CCDC171: variants seen among roughly 807,000 people sequenced by gnomAD.
CCDC171 encodes coiled-coil domain-containing protein 171.
CCDC171 carries 177 observed loss-of-function variants against 168.2 expected under a neutral mutation model. The ratio of observed to expected loss-of-function variants is 1.05; its 90% CI spans 0.93 to 1.19. CCDC171 has a LOEUF of 1.19. CCDC171 is among the 50% of genes most tolerant of loss of function. CCDC171 has a pLI of 0.00. For synonymous variants in CCDC171, 687 were observed against 540.8 expected (o/e 1.27, Z -3.75); for missense variants, 1,991 against 1,539.0 (o/e 1.29, Z -4.91).
At chr9:16,088,550 A>G in the CCDC171 span, among the ~76,000 whole-genome samples, 1 of 152,218 alleles carries the variant, frequency 6.6e-6, no homozygotes, top group Admixed American at 6.5e-5. Flanking sequence ...ATGTGCAAAA[A>G]TCACAAGCAT....
intron 4 of CCDC171, among the ~76,000 whole-genome samples, chr9:15,590,201 A>G (rs2041878280): frequency 6.6e-6 from 1 of 152,210 alleles, no homozygotes; most frequent in Non-Finnish European, 1.5e-5. Context: ...TGGCAGCTGA[A>G]TGGGAGGGGG....
intron 25 of CCDC171, among the ~76,000 whole-genome samples, chr9:15,944,825 T>TTCTC (rs1828120316): frequency 3.2e-5 from 1 of 30,928 alleles, no homozygotes. Context: ...TTAGAATTCT[T>TTCTC]TTTCTTTCTT....
intron 23 of CCDC171, among the ~76,000 whole-genome samples, chr9:15,867,935 A>G (rs1396377316): frequency 1.3e-5 from 2 of 152,052 alleles, no homozygotes; most frequent in South Asian, 2.1e-4. Context: ...CAGATTTATC[A>G]TGTTATATAG....
In CCDC171 at chr9:15,964,594, G is replaced by A. The variant is rs1414922728; in HGVS notation, c.3754-7015G>A. ...AAGGGTATGAAGAACACTGGGAAAA[G>A]AAAGAACAAAAGCCACCTGGGAGAA... On this transcript the variant is annotated intron_variant, in intron 25 of 25. Transcript: ENST00000380701. Among the ~76,000 whole-genome samples the A allele has an allele frequency of 2.6e-5, 4 of 152,124 alleles. 1 individual carries two copies. The East Asian group carries it at 7.7e-4, about 29-fold the overall frequency.
chr9:15,949,764 G>A (rs1447070445), intron 25 of CCDC171, among the ~76,000 whole-genome samples: 1 of 152,116 alleles, frequency 6.6e-6, no homozygotes, highest in Non-Finnish European at 1.5e-5. Context: ...GGGACAATTT[G>A]ACTTCCTCTT....
chr9:15,997,145 C>T (rs1040061865), intron 3 of CCDC171, among the ~76,000 whole-genome samples: 1 of 152,192 alleles, frequency 6.6e-6, no homozygotes, highest in Non-Finnish European at 1.5e-5. Flanking sequence ...GCTGATCTGA[C>T]ATTTACAAAA....
chr9:15,866,469 G>A (rs2061792104), intron 23 of CCDC171, among the ~76,000 whole-genome samples: 1 of 152,026 alleles, frequency 6.6e-6, no homozygotes, highest in South Asian at 2.1e-4. Context: ...AGAGGCAGGG[G>A]AGGATGATTC....
At chr9:16,069,405 G>A in the CCDC171 span, among the ~76,000 whole-genome samples, 1 of 152,224 alleles carries the variant, frequency 6.6e-6, no homozygotes, top group Non-Finnish European at 1.5e-5. Flanking sequence ...GAGTCCAGCG[G>A]TGTGCATGTG....
intron 23 of CCDC171, among the ~76,000 whole-genome samples, chr9:15,860,402 G>T (rs2061510689): frequency 1.3e-5 from 2 of 151,302 alleles, no homozygotes; most frequent in Non-Finnish European, 2.9e-5. Context: ...GTTTACTGCT[G>T]TATGTTTCCC....
chr9:15,962,554 T>C (rs1227230857), intron 25 of CCDC171, among the ~76,000 whole-genome samples: 1 of 152,172 alleles, frequency 6.6e-6, no homozygotes. Flanking sequence ...ATTTGTAATA[T>C]TTAATTTTTA....
intron 20 of CCDC171, among the ~76,000 whole-genome samples, chr9:15,781,740 T>C (rs1289996613): frequency 6.6e-6 from 1 of 152,194 alleles, no homozygotes; most frequent in Non-Finnish European, 1.5e-5. Context: ...TATTGTCCTA[T>C]AATTATAAGT....
intron 21 of CCDC171, among the ~76,000 whole-genome samples, chr9:15,810,069 C>T (rs1296528664): frequency 6.6e-6 from 1 of 152,192 alleles, no homozygotes; most frequent in Non-Finnish European, 1.5e-5. Flanking sequence ...GGTGCATCCA[C>T]TAACCCCGAG....
chr9:16,076,731 TA>T, the CCDC171 span, among the ~76,000 whole-genome samples: 2 of 152,202 alleles, frequency 1.3e-5, no homozygotes, highest in Non-Finnish European at 2.9e-5. Flanking sequence ...AATTTATAGC[TA>T]AACAATTACA....
chr9:15,898,843 C>T (rs574783111), intron 24 of CCDC171, among the ~76,000 whole-genome samples: 1 of 152,112 alleles, frequency 6.6e-6, no homozygotes, highest in African/African-American at 2.4e-5. Flanking sequence ...GGCATTAGTA[C>T]AATGGGTAAA....
At chr9:15,642,254 A>G (rs1424742785) in intron 7 of CCDC171, among the ~76,000 whole-genome samples, 1 of 150,366 alleles carries the variant, frequency 6.7e-6, no homozygotes, top group Non-Finnish European at 1.5e-5. Flanking sequence ...AGTTAAATTA[A>G]CCTGTAGTAT....
At chr9:15,817,227 G>T (rs1238797031) in intron 21 of CCDC171, among the ~76,000 whole-genome samples, 1 of 117,840 alleles carries the variant, frequency 8.5e-6, no homozygotes, top group Non-Finnish European at 1.9e-5. Context: ...AGCCAAGATG[G>T]CCAAATAGGA....
intron 1 of CCDC171, among the ~76,000 whole-genome samples, chr9:15,557,636 T>G (rs765157622): frequency 1.1e-4 from 16 of 152,236 alleles, no homozygotes; most frequent in Middle Eastern, 3.4e-3. Context: ...GGAGATTTTG[T>G]GCTGAGACGA....
intron 6 of CCDC171, among the ~76,000 whole-genome samples, chr9:15,597,003 G>C (rs1246811201): frequency 6.6e-6 from 1 of 152,146 alleles, no homozygotes; most frequent in Non-Finnish European, 1.5e-5. Context: ...TTTGTATCCT[G>C]AGACTTTGCT....
At chr9:15,804,221 A>C (rs2058967740) in intron 21 of CCDC171, among the ~76,000 whole-genome samples, 1 of 151,796 alleles carries the variant, frequency 6.6e-6, no homozygotes, top group African/African-American at 2.4e-5. Context: ...ATACTTATTT[A>C]TTTCTTTGTC....
Sources: gnomAD v4.1 joint callset for allele counts (sites outside exome capture counted in the v4.1 genomes callset) on GRCh38, gnomAD v4.1.1 for gene constraint, MANE v1.5 for transcripts, NCBI Gene and HGNC (gene_info 2026-07-23, HGNC 2026-07-21) for gene names.